Variants in CFH observed in about 807,000 individuals in gnomAD.
The protein encoded by CFH is H factor 1 (complement).
Under a neutral mutation model 147.3 loss-of-function variants are expected in CFH, and 53 were observed. The observed-to-expected ratio is 0.36, with a 90% CI of 0.29 to 0.45. The LOEUF (loss-of-function observed/expected upper bound fraction) is 0.45. Among genes scored for constraint, CFH ranks in the 20% least tolerant of loss-of-function variants. The probability of loss-of-function intolerance (pLI) is 1.00; values close to 1 mark genes in which losing one functional copy is unlikely to be tolerated. For synonymous variants in CFH, 536 were observed against 489.4 expected (o/e 1.10, Z -1.26); for missense variants, 1,380 against 1,498.0 (o/e 0.92, Z 1.30).
chr1:196,722,433 A>G (rs1669022147), intron 11 of CFH, among the ~76,000 whole-genome samples: 1 of 152,114 alleles, frequency 6.6e-6, no homozygotes, highest in Admixed American at 6.6e-5. Flanking sequence ...TCTGGCTTGT[A>G]CAGTTTCTGC....
At chr1:196,708,428 C>T (rs1280666791) in intron 9 of CFH, among the ~76,000 whole-genome samples, 1 of 152,068 alleles carries the variant, frequency 6.6e-6, no homozygotes. Flanking sequence ...AAAGTCATTC[C>T]ATTACATAGG....
intron 5 of CFH, chr1:196,678,045 G>A: frequency 8.3e-6 from 2 of 242,340 alleles, no homozygotes; most frequent in East Asian, 2.0e-4. Context: ...AGAATGCTAA[G>A]TATTTCTGCT....
intron 14 of CFH, among the ~76,000 whole-genome samples, chr1:196,727,202 T>C (rs997427894): frequency 2.6e-5 from 4 of 152,160 alleles, no homozygotes; most frequent in African/African-American, 7.2e-5. Flanking sequence ...ACATTTTACT[T>C]ACAAAAATTG....
chr1:196,725,351 CT>C (rs1669111379), intron 12 of CFH, 54 bp downstream of exon 12: 1 of 1,556,418 alleles, frequency 6.4e-7, no homozygotes, highest in East Asian at 2.3e-5. Flanking sequence ...TGAATACCAA[CT>C]TTTTTCTTAT....
At position 196,713,729 on chromosome 1, in the gene CFH, T is replaced by A. The variant is rs778746638; in HGVS notation, c.1337-6T>A. The A allele has an allele frequency of 9.0e-6, 14 of 1,551,402 alleles. No individual in the cohort carries two copies. In the South Asian group the frequency reaches 1.6e-4, roughly 17 times the overall value. On this transcript the variant is annotated splice_region_variant and splice_polypyrimidine_tract_variant and intron_variant, in intron 9 of 21. Transcript: ENST00000367429. ...CTTGTCTTTTTCTTATTCTCTTCCC[T>A]TTTAGAAACATGTTCCAAATCAAGT...
At chr1:196,689,225 T>C (rs557181611) in intron 7 of CFH, among the ~76,000 whole-genome samples, 195 bp from the exon 8 acceptor site, 2 of 152,248 alleles carry the variant, frequency 1.3e-5, no homozygotes, top group South Asian at 4.1e-4. Context: ...CATAATTTCA[T>C]CTTCATTAAC....
At chr1:196,661,112 G>A (rs1040514011) in intron 1 of CFH, among the ~76,000 whole-genome samples, 2 of 152,090 alleles carry the variant, frequency 1.3e-5, no homozygotes, top group African/African-American at 2.4e-5. Flanking sequence ...TAGAGTATTA[G>A]CACCATCTAG....
chr1:196,741,626 A>C (rs2149115537), intron 18 of CFH: 1 of 464,460 alleles, frequency 2.2e-6, no homozygotes, highest in East Asian at 4.2e-5. Flanking sequence ...AAAATGTGTA[A>C]TCTCAATTGC....
chr1:196,689,856 A>C (rs1667963674), intron 8 of CFH, among the ~76,000 whole-genome samples: 1 of 152,122 alleles, frequency 6.6e-6, no homozygotes, highest in Admixed American at 6.6e-5. Flanking sequence ...TATTAATTAT[A>C]AAAACTAAAG....
At chr1:196,662,047 C>T (rs1666928287) in intron 1 of CFH, among the ~76,000 whole-genome samples, 1 of 152,160 alleles carries the variant, frequency 6.6e-6, no homozygotes, top group Non-Finnish European at 1.5e-5. Flanking sequence ...AATTCCCTCT[C>T]TTTTTCAGAG....
chr1:196,715,810 A>G (rs1668857636), intron 11 of CFH, 41 bp downstream of exon 11: 4 of 1,541,642 alleles, frequency 2.6e-6, no homozygotes, highest in Non-Finnish European at 3.5e-6. Flanking sequence ...CAAAATGAAA[A>G]TAAATCTGTT....
chr1:196,658,407 A>ATTTTTTTTTTTTTTTTTTTTTTTTTTTT (rs549213437), intron 1 of CFH, among the ~76,000 whole-genome samples: 3 of 92,252 alleles, frequency 3.3e-5, no homozygotes, highest in African/African-American at 5.2e-5. Flanking sequence ...TGCTCAGGTA[A>ATTTTTTTTTTTTTTTTTTTTTTTTTTTT]TTTTTTTTTT....
chr1:196,736,892 A>G lies in CFH; in HGVS notation c.2482A>G (p.Asn828Asp). The part of the protein sequence containing the change: ...PNSHNMTTTL[N>D]YRDGEKVSVL... ...TTCTCACAATATGACAACCACACTG[A>G]ATTATCGGGATGGAGAAAAAGTATC... The change falls in exon 16 of 22, where the codon AAT (asparagine) becomes GAT (aspartate). Residue 828 changes from asparagine (N) to aspartate (D), a missense_variant. By Grantham distance (23) the Asn-to-Asp change is conservative. Coordinates refer to ENST00000367429, the MANE Select transcript of CFH (RefSeq NM_000186.4). 6.2e-7 allele frequency: 1 copy of G among 1,610,060 alleles called. No individual in the cohort carries two copies. Among genetic ancestry groups the G allele is most frequent in the African/African-American group, 1.3e-5 (1 of 74,882 alleles).
chr1:196,689,654 T>C (rs764405529), intron 8 of CFH, 40 bp downstream of exon 8: 1 of 1,602,262 alleles, frequency 6.2e-7, no homozygotes, highest in Non-Finnish European at 8.5e-7. Context: ...TGTATAAAAC[T>C]TTCAAAGATC....
chr1:196,734,189 A>T (rs1307087044), intron 15 of CFH, among the ~76,000 whole-genome samples: 1 of 152,126 alleles, frequency 6.6e-6, no homozygotes, highest in Non-Finnish European at 1.5e-5. Context: ...TCCATGCTCC[A>T]TTGTGTTGCA....
chr1:196,701,984 A>G (rs1454836305), intron 9 of CFH, among the ~76,000 whole-genome samples: 1 of 152,174 alleles, frequency 6.6e-6, no homozygotes, highest in East Asian at 1.9e-4. Flanking sequence ...TGTAAGAAGG[A>G]AGAGGAATGA....
intron 1 of CFH, among the ~76,000 whole-genome samples, chr1:196,664,145 T>C (rs2149071717): frequency 6.6e-6 from 1 of 152,240 alleles, no homozygotes; most frequent in Middle Eastern, 3.4e-3. Context: ...ATCCTTAAAC[T>C]CCTGGGCTCA....
chr1:196,747,334 C>A lies in CFH; in HGVS notation c.*21C>A, dbSNP rs763717279. On this transcript the variant is annotated 3_prime_UTR_variant, in exon 22 of 22. Coordinates refer to ENST00000367429, the MANE Select transcript of CFH (RefSeq NM_000186.4). ...GATAGAATCAATCATAAAGTGCACA[C>A]CTTTATTCAGAACTTTAGTATTAAA... 6 of 1,613,720 alleles carry A rather than the reference C, an allele frequency of 3.7e-6. No individual in the cohort carries two copies. Among genetic ancestry groups the A allele is most frequent in the Non-Finnish European group, 4.2e-6 (5 of 1,179,686 alleles).
chr1:196,676,603 A>G (rs1385793069), intron 4 of CFH, among the ~76,000 whole-genome samples: 1 of 152,148 alleles, frequency 6.6e-6, no homozygotes, highest in South Asian at 2.1e-4. Context: ...TTCTGTTTTC[A>G]TGTTTTGAGC....
Sources: allele counts gnomAD v4.1 joint callset (sites outside exome capture counted in the v4.1 genomes callset), GRCh38; gene constraint gnomAD v4.1.1; transcripts MANE v1.5; gene names NCBI Gene and HGNC (gene_info 2026-07-23, HGNC 2026-07-21).